CSNK1D: variants seen among roughly 807,000 people sequenced by gnomAD.
CSNK1D encodes the protein casein kinase 1 delta.
A neutral mutation model predicts 46.6 loss-of-function variants in CSNK1D; 16 were observed. The observed-to-expected ratio is 0.34, with a 90% CI of 0.23 to 0.52. The LOEUF (loss-of-function observed/expected upper bound fraction) is 0.52, where lower values mean the gene tolerates loss of function less well. Among genes scored for constraint, CSNK1D ranks in the 20% least tolerant of loss-of-function variants. CSNK1D has a pLI of 0.95. For missense variants in CSNK1D, 398 were observed against 578.4 expected, an observed-to-expected ratio of 0.69 and a Z score of 3.20; for synonymous variants, 276 against 228.2, an observed-to-expected ratio of 1.21 and a Z score of -1.89.
At chr17:82,239,033 CTATT>C (rs1378584137), downstream of CSNK1D, 73 of 1,469,026 alleles carry the variant, frequency 5.0e-5, no homozygotes, top group Non-Finnish European at 6.4e-5. Context: ...GCAACGCTTG[CTATT>C]TATTTTACAA....
At chr17:82,263,303 T>C (rs2051386467) in intron 2 of CSNK1D, among the ~76,000 whole-genome samples, 4 of 152,214 alleles carry the variant, frequency 2.6e-5, no homozygotes, top group Admixed American at 1.3e-4. Context: ...GACATGGCAA[T>C]GCGCTCGAAG....
chr17:82,249,422 G>T lies in CSNK1D; in HGVS notation c.1057+9C>A. 1 of 1,532,990 alleles carries T rather than the reference G, an allele frequency of 6.5e-7. No individual in the cohort carries two copies. The highest frequency in any genetic ancestry group is 8.7e-7 in the Non-Finnish European group (1 of 1,143,684). The allele number at this position is 1,532,990 out of a possible 1,614,324, so 95.0% of individuals were successfully genotyped here. On this transcript the variant is annotated intron_variant, in intron 7 of 8. Transcript: ENST00000314028. The surrounding 1 kb of genome is among the most constrained non-coding windows in gnomAD (Gnocchi z 6.7). Reference sequence around the variant, plus strand: ...GCCAGCCCCAGAGCGCTGGGAGGGGGGCACTCACCCGTGTGTGAGGTAGGG... The same window carrying T: ...GCCAGCCCCAGAGCGCTGGGAGGGGTGCACTCACCCGTGTGTGAGGTAGGG...
Position 82,270,749 on chromosome 17 carries a change from G to GA in CSNK1D, c.76+2556dup, listed in dbSNP as rs548763934. ...GTAGGCTAGGAGCCAATGCTGATGG[G>GA]AAAAAAAAAAATCAGCTGTGCCTAA... On this transcript the variant is annotated intron_variant, in intron 1 of 8. Coordinates refer to ENST00000314028, the MANE Select transcript of CSNK1D (RefSeq NM_001893.6). Among the ~76,000 whole-genome samples the GA allele has an allele frequency of 5.4e-3, 805 of 148,300 alleles. 3 individuals are homozygous for GA. Among genetic ancestry groups the GA allele is most frequent in the African/African-American group, 0.017 (709 of 40,628 alleles).
chr17:82,249,894 C>A lies in CSNK1D; in HGVS notation c.886-292G>T, dbSNP rs1325367596. 7.3e-7 allele frequency: 1 copy of A among 1,371,694 alleles called. No homozygotes were observed. Among genetic ancestry groups the A allele is most frequent in the Admixed American group, 3.0e-5 (1 of 32,982 alleles). The allele number at this position is 1,371,694 out of a possible 1,614,324, so 85.0% of individuals were successfully genotyped here. A position where few individuals can be genotyped will look rare whatever the true frequency, so the allele number is the denominator to read the frequency against. ...TAAACTTCCAAATGGGCAGCAGCTA[C>A]CCCCTGCTGCTCTGTGAACATGCTC... On this transcript the variant is annotated intron_variant, in intron 6 of 8. Coordinates refer to ENST00000314028, the MANE Select transcript of CSNK1D (RefSeq NM_001893.6). This position sits in a 1 kb window ranked among gnomAD's most constrained non-coding sequence, Gnocchi z 6.7.
upstream of CSNK1D, chr17:82,273,710 T>G: frequency 8.6e-6 from 4 of 464,110 alleles, no homozygotes; most frequent in Non-Finnish European, 1.5e-5. This position sits in a 1 kb window ranked among gnomAD's most constrained non-coding sequence, Gnocchi z 5.1. Context: ...TGACGTCACT[T>G]CCCCTAGCAA....
intron 3 of CSNK1D, chr17:82,254,524 G>A (rs2051112944): frequency 5.8e-6 from 1 of 173,664 alleles, no homozygotes; most frequent in South Asian, 4.6e-5. Flanking sequence ...AGCCGCCGGA[G>A]CCTCCAGAAG....
At chr17:82,271,818 G>C (rs1173472973) in intron 1 of CSNK1D, among the ~76,000 whole-genome samples, 2 of 152,200 alleles carry the variant, frequency 1.3e-5, no homozygotes, top group African/African-American at 4.8e-5. Context: ...CATCTAAAAG[G>C]TATGACCAGA....
At position 82,273,353 on chromosome 17, in the gene CSNK1D, C is replaced by A; in HGVS notation, c.29G>T (p.Arg10Leu). Residue 10 changes from arginine to leucine, a missense_variant, in exon 1 of 9, where the codon CGG becomes CTG. Around this residue, in one of 2 missense-constraint regions of CSNK1D, gnomAD observed 217 missense variants for 370.3 expected, o/e 0.59. Coordinates refer to ENST00000314028, the MANE Select transcript of CSNK1D (RefSeq NM_001893.6). This position sits in a 1 kb window ranked among gnomAD's most constrained non-coding sequence, Gnocchi z 5.1. ...GCCGCTGCCGATCTTCCGGCCCAGC[C>A]GGTACCTGTTCCCGACTCTCAGCTC... MELRVGNRY[R>L]LGRKIGSGSF... 6.2e-7 allele frequency: 1 copy of A among 1,611,298 alleles called. No individual in the cohort carries two copies. Among genetic ancestry groups the A allele is most frequent in the Non-Finnish European group, 8.5e-7 (1 of 1,179,506 alleles).
rs770762416 is a variant in CSNK1D at position 82,250,142 on chromosome 17, G to C, written c.886-540C>G. On this transcript the variant is annotated intron_variant, in intron 6 of 8. Coordinates refer to ENST00000314028, the MANE Select transcript of CSNK1D (RefSeq NM_001893.6). The surrounding 1 kb of genome is among the most constrained non-coding windows in gnomAD (Gnocchi z 4.6). The stretch of plus-strand genomic sequence containing the variant: ...TCTGTGCTGCACTATCCAGATGCAC[G>C]GGGGTGGGGAGGTCAGATTTTAAGC... 1.3e-5 allele frequency: 17 copies of C among 1,290,208 alleles called. No individual in the cohort carries two copies. Among genetic ancestry groups the C allele is most frequent in the Non-Finnish European group, 3.0e-6 (3 of 989,242 alleles). 79.9% of individuals were successfully genotyped at this position (1,290,208 alleles called of 1,614,324 possible).
Position 82,255,535 on chromosome 17 carries a change from T to C in CSNK1D, c.230A>G (p.Tyr77Cys). ...TIRWCGAEGD[Y>C]NVMVMELLGP... ...CAGCAGCTCCATCACCATGACGTTGTAGTCCCCCTCTGCCCCGCACCATCT... is the reference window on the plus strand; with the variant it reads ...CAGCAGCTCCATCACCATGACGTTGCAGTCCCCCTCTGCCCCGCACCATCT... The change falls in exon 3 of 9, where the codon TAC becomes TGC. Residue 77 changes from tyrosine to cysteine, a missense_variant. By Grantham distance (194) the Tyr-to-Cys change is radical. This residue lies in a region of CSNK1D where 217 missense variants were observed against 370.3 expected (regional missense o/e 0.59). Coordinates refer to ENST00000314028, the MANE Select transcript of CSNK1D (RefSeq NM_001893.6). This position sits in a 1 kb window ranked among gnomAD's most constrained non-coding sequence, Gnocchi z 5.9. 1 of 1,614,102 alleles carries C rather than the reference T, an allele frequency of 6.2e-7. No homozygotes were observed. The highest frequency in any genetic ancestry group is 8.5e-7 in the Non-Finnish European group (1 of 1,180,016).
chr17:82,255,369 G>GC lies in CSNK1D; in HGVS notation c.336+59dup, dbSNP rs1379867602. ...CATAATAATGGCAAGAACAGCACAA[G>GC]CGAGTGGCTGATTCTATCAGACAGC... On this transcript the variant is annotated intron_variant, in intron 3 of 8. Transcript: ENST00000314028. The surrounding 1 kb of genome is among the most constrained non-coding windows in gnomAD (Gnocchi z 5.9). 7.3e-5 allele frequency: 116 copies of GC among 1,578,906 alleles called. No individual in the cohort carries two copies. Among genetic ancestry groups the GC allele is most frequent in the Non-Finnish European group, 9.8e-5 (113 of 1,147,996 alleles).
chr17:82,247,737 T>C (rs2050887114), intron 8 of CSNK1D: 1 of 985,304 alleles, frequency 1.0e-6, no homozygotes, highest in Non-Finnish European at 1.2e-6. Flanking sequence ...AAGGGACCCA[T>C]TCTCGTGACG....
intron 8 of CSNK1D, chr17:82,247,911 T>G (rs778964957): frequency 1.9e-5 from 19 of 985,356 alleles, no homozygotes; most frequent in Admixed American, 1.8e-4. Flanking sequence ...CCCCAATCAT[T>G]AAAAGACGGC....
downstream of CSNK1D, among the ~76,000 whole-genome samples, chr17:82,242,001 A>C (rs1015100396): frequency 1.4e-5 from 2 of 142,472 alleles, no homozygotes; most frequent in Non-Finnish European, 3.0e-5. Flanking sequence ...CCTCTTAGGC[A>C]GCGTGACCCT....
In CSNK1D at chr17:82,273,260, C is replaced by T; in HGVS notation, c.76+46G>A. On this transcript the variant is annotated intron_variant, in intron 1 of 8. Coordinates refer to ENST00000314028, the MANE Select transcript of CSNK1D (RefSeq NM_001893.6). The surrounding 1 kb of genome is among the most constrained non-coding windows in gnomAD (Gnocchi z 5.1). ...CGATCGCGCTTGGTCTTGGCAGCCG[C>T]AGGGCCCGGGTCTTCGGGCGGCGGG... 4 of 1,567,298 alleles carry T rather than the reference C, an allele frequency of 2.6e-6. No homozygotes were observed. The highest frequency in any genetic ancestry group is 2.3e-5 in the East Asian group (1 of 43,844).
In CSNK1D at chr17:82,248,625, G is replaced by C; in HGVS notation, c.1197+250C>G. 1 of 1,357,540 alleles carries C rather than the reference G, an allele frequency of 7.4e-7. No individual in the cohort carries two copies. The highest frequency in any genetic ancestry group is 9.5e-7 in the Non-Finnish European group (1 of 1,051,536). 84.1% of individuals were successfully genotyped at this position (1,357,540 alleles called of 1,614,324 possible). On this transcript the variant is annotated intron_variant, in intron 8 of 8. Coordinates refer to ENST00000314028, the MANE Select transcript of CSNK1D (RefSeq NM_001893.6). This position sits in a 1 kb window ranked among gnomAD's most constrained non-coding sequence, Gnocchi z 4.1. ...AGGAGAAAGCCCCCACGGTTTGCTG[G>C]CCTCAGGGACCTGAGACCTGAGACT...
chr17:82,246,483 CCTT>C lies in CSNK1D; in HGVS notation c.1198-1655_1198-1653del, dbSNP rs2050853074. On this transcript the variant is annotated intron_variant, in intron 8 of 8. Coordinates refer to ENST00000314028, the MANE Select transcript of CSNK1D (RefSeq NM_001893.6). ...GTCATCGACTGTTGGAATGACAAGG[CCTT>C]CTTCTCACCAAGTAAAAACCCCAAA... The C allele has an allele frequency of 8.2e-6, 9 of 1,099,008 alleles. 1 individual carries two copies. In the South Asian group the frequency reaches 1.7e-4, roughly 20 times the overall value. The allele number at this position is 1,099,008 out of a possible 1,614,324, so 68.1% of individuals were successfully genotyped here.
Position 82,255,340 on chromosome 17 carries a change from T to C in CSNK1D, c.336+89A>G, listed in dbSNP as rs2051150259. 1.4e-6 allele frequency: 2 copies of C among 1,466,152 alleles called. No individual in the cohort carries two copies. The highest frequency in any genetic ancestry group is 1.1e-5 in the South Asian group (1 of 87,702). The allele number at this position is 1,466,152 out of a possible 1,614,324, so 90.8% of individuals were successfully genotyped here. ...AATTTCCATTTCCTCTGTGAATTAATGGCCATAATAATGGCAAGAACAGCA... is the reference window on the plus strand; with the variant it reads ...AATTTCCATTTCCTCTGTGAATTAACGGCCATAATAATGGCAAGAACAGCA... On this transcript the variant is annotated intron_variant, in intron 3 of 8. Coordinates refer to ENST00000314028, the MANE Select transcript of CSNK1D (RefSeq NM_001893.6). This position sits in a 1 kb window ranked among gnomAD's most constrained non-coding sequence, Gnocchi z 5.9.
chr17:82,271,550 C>G (rs916145339), intron 1 of CSNK1D, among the ~76,000 whole-genome samples: 1 of 152,230 alleles, frequency 6.6e-6, no homozygotes, highest in African/African-American at 2.4e-5. Flanking sequence ...CAGCTGACCA[C>G]CTGGTATAAA....
Sources: gnomAD v4.1 joint callset for allele counts (sites outside exome capture counted in the v4.1 genomes callset) on GRCh38, gnomAD v4.1.1 for gene constraint, gnomAD v4.1.1 regional missense constraint, Gnocchi (gnomAD v3.1) non-coding constraint, MANE v1.5 for transcripts, NCBI Gene and HGNC (gene_info 2026-07-23, HGNC 2026-07-21) for gene names.